The following AFAP1 variants were observed in gnomAD, a reference collection of about 807,000 sequenced individuals.
AFAP1 encodes actin filament-associated protein 1.
Under a neutral mutation model 93.9 loss-of-function variants are expected in AFAP1, and 75 were observed. That is an observed-to-expected ratio of 0.80 (90% CI 0.66 to 0.97). The LOEUF (loss-of-function observed/expected upper bound fraction) is 0.97, where lower values mean the gene tolerates loss of function less well. Among genes scored for constraint, AFAP1 ranks in the 50% least tolerant of loss-of-function variants. The pLI, the probability that AFAP1 is intolerant of heterozygous loss-of-function variation, is 0.00. For missense variants in AFAP1, 1,201 were observed against 1,050.8 expected (o/e 1.14, Z -1.98); for synonymous variants, 517 against 430.7 (o/e 1.20, Z -2.48).
intron 1 of AFAP1, among the ~76,000 whole-genome samples, chr4:7,926,483 T>C (rs1337487732): frequency 6.6e-6 from 1 of 152,166 alleles, no homozygotes; most frequent in Non-Finnish European, 1.5e-5. Context: ...GACGGACAAA[T>C]GCCTACCGTG....
chr4:7,848,243 AAGGG>A (rs796405450), intron 4 of AFAP1, among the ~76,000 whole-genome samples: 2 of 99,120 alleles, frequency 2.0e-5, no homozygotes, highest in Non-Finnish European at 4.0e-5. Context: ...TGGAGGGAGG[AAGGG>A]AGGGAGGGAA....
intron 6 of AFAP1, among the ~76,000 whole-genome samples, chr4:7,837,588 A>T (rs929020011): frequency 2.0e-5 from 3 of 152,224 alleles, no homozygotes; most frequent in African/African-American, 7.2e-5. Context: ...CAATCCAAGT[A>T]GACTAAGACA....
intron 1 of AFAP1, among the ~76,000 whole-genome samples, chr4:7,885,885 T>A (rs1718115700): frequency 6.6e-6 from 1 of 152,228 alleles, no homozygotes; most frequent in Non-Finnish European, 1.5e-5. Context: ...GAATACTCGG[T>A]GTTCCAAAGG....
chr4:7,837,834 C>G (rs2149104896), intron 6 of AFAP1, among the ~76,000 whole-genome samples: 1 of 152,268 alleles, frequency 6.6e-6, no homozygotes, highest in Admixed American at 6.5e-5. Flanking sequence ...GCCTGGGCCA[C>G]ATGGAGAAAT....
intron 4 of AFAP1, among the ~76,000 whole-genome samples, chr4:7,853,141 C>T (rs1474900785): frequency 6.6e-6 from 1 of 152,062 alleles, no homozygotes; most frequent in African/African-American, 2.4e-5. Context: ...AATCACACTT[C>T]CCAAAATTCC....
At chr4:7,868,790 A>G (rs1716725314) in intron 2 of AFAP1, 71 bp from the exon 3 acceptor site, 3 of 1,361,532 alleles carry the variant, frequency 2.2e-6, no homozygotes, top group Non-Finnish European at 3.1e-6. Context: ...AGCATCTATC[A>G]GTTCCTGAAC....
At chr4:7,853,152 C>G in intron 4 of AFAP1, among the ~76,000 whole-genome samples, 1 of 152,012 alleles carries the variant, frequency 6.6e-6, no homozygotes, top group Non-Finnish European at 1.5e-5. Context: ...CCAAAATTCC[C>G]TTTCTTAGAT....
In AFAP1 at chr4:7,773,255, G is replaced by A. The variant is rs1039496842; in HGVS notation, c.2063-245C>T. The A allele has an allele frequency of 1.5e-4, 79 of 510,326 alleles. 1 individual carries two copies. The highest frequency in any genetic ancestry group is 1.1e-3 in the Middle Eastern group (2 of 1,886). The allele number at this position is 510,326 out of a possible 1,614,324, so 31.6% of individuals were successfully genotyped here. A position where few individuals can be genotyped will look rare whatever the true frequency, so the allele number is the denominator to read the frequency against. On this transcript the variant is annotated intron_variant, in intron 15 of 17. Transcript: ENST00000420658. ...GGAAAGAGGAGATGCTGATTCTGACGAAGGCCAGGAGCTCCTGGCTCTGGG... is the reference window on the plus strand; with the variant it reads ...GGAAAGAGGAGATGCTGATTCTGACAAAGGCCAGGAGCTCCTGGCTCTGGG...
rs576203601 is a variant in AFAP1, at chr4:7,911,693, T to C, written c.-3+27963A>G. 3.9e-5 allele frequency among the ~76,000 whole-genome samples: 6 copies of C among 152,334 alleles called. No individual in the cohort carries two copies. The East Asian group carries it at 1.2e-3, about 29-fold the overall frequency. ...GTATTAGAACCAGGATATAAGGGCC[T>C]CTGATTCTAGAACCAGTACTTGTGT... On this transcript the variant is annotated intron_variant, in intron 1 of 17. Transcript: ENST00000420658.
At chr4:7,809,477 T>C (rs902836026) in intron 9 of AFAP1, 137 bp downstream of exon 9, 44 of 1,020,210 alleles carry the variant, frequency 4.3e-5, no homozygotes, top group Non-Finnish European at 6.0e-5. Flanking sequence ...CATTTCCCAC[T>C]ATCTGAATGA....
At position 7,939,689 on chromosome 4, in the gene AFAP1, C is replaced by T. The variant is rs1298130849; in HGVS notation, c.-36G>A. 2.4e-6 allele frequency: 1 copy of T among 416,544 alleles called. No individual in the cohort carries two copies. Among genetic ancestry groups the T allele is most frequent in the Admixed American group, 2.6e-5 (1 of 38,194 alleles). 25.8% of individuals were successfully genotyped at this position (416,544 alleles called of 1,614,324 possible). On this transcript the variant is annotated 5_prime_UTR_variant, in exon 1 of 18. Coordinates refer to ENST00000420658, the MANE Select transcript of AFAP1 (RefSeq NM_001134647.2). This position sits in a 1 kb window ranked among gnomAD's most constrained non-coding sequence, Gnocchi z 5.6. ...GCCACCTCGCAGCGCTCGCTCCTCG[C>T]CGCGGCGCCTGGGCCGACTGGAGCG...
At position 7,856,487 on chromosome 4, in the gene AFAP1, G is replaced by A. The variant is rs140504856; in HGVS notation, c.226-913C>T. The stretch of plus-strand genomic sequence containing the variant: ...GAACTCCTGACCTCGTGATCAGCCC[G>A]CCTTGGCCTCCCAAAGTGCTGGGAT... On this transcript the variant is annotated intron_variant, in intron 3 of 17. Coordinates refer to ENST00000420658, the MANE Select transcript of AFAP1 (RefSeq NM_001134647.2). Among the ~76,000 whole-genome samples the A allele has an allele frequency of 4.5e-4, 69 of 152,196 alleles. No individual in the cohort carries two copies. The East Asian group carries it at 6.8e-3, about 15-fold the overall frequency.
intron 1 of AFAP1, among the ~76,000 whole-genome samples, chr4:7,902,890 A>T (rs969203149): frequency 3.3e-5 from 5 of 152,242 alleles, no homozygotes; most frequent in Admixed American, 2.6e-4. Flanking sequence ...AGGCCACAAC[A>T]GCTCTTCATA....
rs866748653 is a variant in AFAP1, at chr4:7,835,301, G to A, written c.726+3223C>T. Reference sequence around the variant, plus strand: ...TGAATGGACTGTGGGCTGCCTTAAGGTTACCTGGGTGGCTCTTGAATGGAC... The same window carrying A: ...TGAATGGACTGTGGGCTGCCTTAAGATTACCTGGGTGGCTCTTGAATGGAC... On this transcript the variant is annotated intron_variant, in intron 6 of 17. Transcript: ENST00000420658. Among the ~76,000 whole-genome samples the A allele has an allele frequency of 4.5e-4, 14 of 31,278 alleles. No individual in the cohort carries two copies. In the East Asian group the frequency reaches 5.0e-3, roughly 11 times the overall value. The allele number at this position is 31,278 out of a possible 152,430, so 20.5% of individuals were successfully genotyped here.
intron 4 of AFAP1, among the ~76,000 whole-genome samples, chr4:7,846,432 G>A (rs536278877): frequency 6.6e-6 from 1 of 152,288 alleles, no homozygotes; most frequent in Admixed American, 6.5e-5. Context: ...GCTGTGCTAC[G>A]ATCCAACGTA....
At chr4:7,892,388 G>A (rs1718520917) in intron 1 of AFAP1, among the ~76,000 whole-genome samples, 1 of 152,202 alleles carries the variant, frequency 6.6e-6, no homozygotes, top group Non-Finnish European at 1.5e-5. Flanking sequence ...CTCTGCAGAG[G>A]AGCAGTGGGA....
chr4:7,917,358 A>G (rs1720143297), intron 1 of AFAP1, among the ~76,000 whole-genome samples: 1 of 152,176 alleles, frequency 6.6e-6, no homozygotes, highest in South Asian at 2.1e-4. Flanking sequence ...AAGTGTACAT[A>G]TATATTTGTA....
intron 1 of AFAP1, among the ~76,000 whole-genome samples, chr4:7,904,767 C>A (rs145964341): frequency 6.6e-6 from 1 of 152,054 alleles, no homozygotes; most frequent in Non-Finnish European, 1.5e-5. Context: ...AGTGCAGTGG[C>A]GCGATGATGG....
At chr4:7,911,123 G>C (rs900216167) in intron 1 of AFAP1, among the ~76,000 whole-genome samples, 1 of 152,188 alleles carries the variant, frequency 6.6e-6, no homozygotes, top group Non-Finnish European at 1.5e-5. Flanking sequence ...TCTATGAGCA[G>C]ATGGGTTGAG....
Sources: allele counts gnomAD v4.1 joint callset (sites outside exome capture counted in the v4.1 genomes callset), GRCh38; gene constraint gnomAD v4.1.1; non-coding constraint Gnocchi (gnomAD v3.1); transcripts MANE v1.5; gene names NCBI Gene and HGNC (gene_info 2026-07-23, HGNC 2026-07-21).